The following CSPG5 variants were observed in gnomAD, a reference collection of about 807,000 sequenced individuals.
CSPG5 encodes the protein acidic leucine-rich EGF-like domain-containing brain protein.
A neutral mutation model predicts 39.8 loss-of-function variants in CSPG5; 25 were observed. The observed-to-expected ratio is 0.63, with a 90% CI of 0.46 to 0.88. The LOEUF is 0.88. Among genes scored for constraint, CSPG5 ranks in the 40% least tolerant of loss-of-function variants. CSPG5 has a pLI of 0.00. For synonymous variants in CSPG5, 295 were observed against 303.9 expected, an observed-to-expected ratio of 0.97 and a Z score of 0.31; for missense variants, 627 against 702.2, an observed-to-expected ratio of 0.89 and a Z score of 1.21.
chr3:47,570,710 C>T (rs76165907), intron 3 of CSPG5, among the ~76,000 whole-genome samples: 2 of 151,764 alleles, frequency 1.3e-5, no homozygotes, highest in African/African-American at 4.8e-5. Flanking sequence ...GTTTCACCAT[C>T]TTGGCCAGGC....
At chr3:47,569,340 G>A (rs1380138659) in intron 3 of CSPG5, 113 bp from the exon 4 acceptor site, 9 of 1,086,684 alleles carry the variant, frequency 8.3e-6, no homozygotes, top group Admixed American at 8.2e-5. Context: ...GTGGTGGCTC[G>A]CGCCTGTAAT....
chr3:47,577,001 C>A lies in CSPG5; in HGVS notation c.1025G>T (p.Arg342Leu), dbSNP rs777267541. 3.7e-6 allele frequency: 6 copies of A among 1,613,182 alleles called. No homozygotes were observed. The highest frequency in any genetic ancestry group is 3.4e-6 in the Non-Finnish European group (4 of 1,179,552). ...CAAGTCCCTGCCTGGCTCTCCTGGG[C>A]GGGGCCTGAGGGCGATGCTGCTGCC... ...VPGSSIALRP[R>L]PGEPGRDLAS... The change falls in exon 2 of 5, where the codon CGC becomes CTC. Residue 342 changes from arginine to leucine, a missense_variant. Arg to Leu is a moderately radical substitution (Grantham distance 102). Coordinates refer to ENST00000264723, the MANE Select transcript of CSPG5 (RefSeq NM_006574.4). This position sits in a 1 kb window ranked among gnomAD's most constrained non-coding sequence, Gnocchi z 4.7.
intron 2 of CSPG5, among the ~76,000 whole-genome samples, 186 bp from the exon 3 acceptor site, chr3:47,573,060 C>T (rs1457526951): frequency 6.6e-6 from 1 of 152,180 alleles, no homozygotes; most frequent in Non-Finnish European, 1.5e-5. Flanking sequence ...TACAACCATT[C>T]TATGAAGTGG....
chr3:47,562,536 G>A lies in CSPG5; in HGVS notation c.*64C>T, dbSNP rs1576366347. On this transcript the variant is annotated 3_prime_UTR_variant, in exon 5 of 5. Coordinates refer to ENST00000264723, the MANE Select transcript of CSPG5 (RefSeq NM_006574.4). ...TACAAGAAATAGACTCTGTACAAGA[G>A]GAGATAATGTTTCTTCCCCTACCCC... is the stretch of plus-strand genomic sequence containing the variant. The A allele has an allele frequency of 7.0e-7, 1 of 1,438,434 alleles. No individual in the cohort carries two copies. The highest frequency in any genetic ancestry group is 2.3e-5 in the East Asian group (1 of 43,840). 89.1% of individuals were successfully genotyped at this position (1,438,434 alleles called of 1,614,324 possible).
chr3:47,575,060 C>T (rs932073704), intron 2 of CSPG5, among the ~76,000 whole-genome samples: 2 of 152,128 alleles, frequency 1.3e-5, no homozygotes, highest in Admixed American at 6.6e-5. Flanking sequence ...ACATCAAGAC[C>T]TAAGGAACTT....
Position 47,578,499 on chromosome 3 carries a change from G to T in CSPG5, c.97+98C>A. The T allele has an allele frequency of 3.1e-6, 1 of 327,498 alleles. No homozygotes were observed. The highest frequency in any genetic ancestry group is 5.0e-6 in the Non-Finnish European group (1 of 200,940). The allele number at this position is 327,498 out of a possible 1,614,324, so 20.3% of individuals were successfully genotyped here. On this transcript the variant is annotated intron_variant, in intron 1 of 4. Transcript: ENST00000264723. This position sits in a 1 kb window ranked among gnomAD's most constrained non-coding sequence, Gnocchi z 6.0. Reference sequence around the variant, plus strand: ...CGGCCAGGCGGTGCCCCGCCCCCTTGCCACAGCTCACAGCTCCACCTGTCC... The same window carrying T: ...CGGCCAGGCGGTGCCCCGCCCCCTTTCCACAGCTCACAGCTCCACCTGTCC...
chr3:47,574,422 T>C (rs1456214389), intron 2 of CSPG5, among the ~76,000 whole-genome samples: 1 of 152,212 alleles, frequency 6.6e-6, no homozygotes, highest in East Asian at 1.9e-4. Flanking sequence ...AAATCATCAC[T>C]ATAGTCCCCC....
At chr3:47,570,335 C>T (rs1458147996) in intron 3 of CSPG5, among the ~76,000 whole-genome samples, 2 of 150,650 alleles carry the variant, frequency 1.3e-5, no homozygotes, top group African/African-American at 4.9e-5. Flanking sequence ...AACCCTTGGG[C>T]TCAGGTGGTA....
chr3:47,566,265 TG>T (rs1455891717), intron 4 of CSPG5, among the ~76,000 whole-genome samples: 1 of 126,028 alleles, frequency 7.9e-6, no homozygotes, highest in Non-Finnish European at 1.7e-5. Flanking sequence ...GCAAGGAGTT[TG>T]GGGGTGGGGA....
At position 47,562,658 on chromosome 3, in the gene CSPG5, C is replaced by A; in HGVS notation, c.1562G>T (p.Gly521Val). Residue 521 changes from glycine to valine, a missense_variant, in exon 5 of 5, where the codon GGT becomes GTT. Transcript: ENST00000264723. ...IQNSMSPKLE[G>V]GKGDQADLDV... ...CAAGTCAGCCTGGTCACCTTTGCCA[C>A]CCTCAAGTTTGGGCGACATGGAGTT... The A allele has an allele frequency of 6.2e-7, 1 of 1,614,028 alleles. No homozygotes were observed. The highest frequency in any genetic ancestry group is 8.5e-7 in the Non-Finnish European group (1 of 1,180,022).
chr3:47,562,742 T>G lies in CSPG5; in HGVS notation c.1478A>C (p.His493Pro). 1 of 1,611,562 alleles carries G rather than the reference T, an allele frequency of 6.2e-7. No homozygotes were observed. The highest frequency in any genetic ancestry group is 1.1e-5 in the South Asian group (1 of 90,908). ...SHPNDDPSAPHKIQEVLKSCL... is the reference protein window; with the variant it reads ...SHPNDDPSAPPKIQEVLKSCL... ...GGACTTGAGAACCTCCTGGATTTTG[T>G]GGGGAGCACTAGGATCATCCTGGAA... The change falls in exon 5 of 5, where the codon CAC becomes CCC. Residue 493 changes from histidine (H) to proline (P), a missense_variant. By Grantham distance (77) the His-to-Pro change is moderately conservative (BLOSUM62 -2). Transcript: ENST00000264723.
chr3:47,562,780 TGGGG>T lies in CSPG5; in HGVS notation c.1459-23_1459-20del. The T allele has an allele frequency of 1.7e-6, 2 of 1,156,314 alleles. No homozygotes were observed. Among genetic ancestry groups the T allele is most frequent in the Non-Finnish European group, 2.4e-6 (2 of 826,562 alleles). The allele number at this position is 1,156,314 out of a possible 1,614,324, so 71.6% of individuals were successfully genotyped here. Reference sequence around the variant, plus strand: ...GATCATCCTGGAAGAGGGAAAAAGTTGGGGGGGGGGAGACAATGCATACAGCAAC... The same window carrying T: ...GATCATCCTGGAAGAGGGAAAAAGTTGGGGGGAGACAATGCATACAGCAAC... On this transcript the variant is annotated intron_variant, in intron 4 of 4. Coordinates refer to ENST00000264723, the MANE Select transcript of CSPG5 (RefSeq NM_006574.4).
At chr3:47,568,885 C>T (rs902829147) in intron 4 of CSPG5, among the ~76,000 whole-genome samples, 1 of 152,044 alleles carries the variant, frequency 6.6e-6, no homozygotes. Context: ...CCTTTTGTAT[C>T]GAAAATTCTG....
In CSPG5 at chr3:47,577,143, C is replaced by G. The variant is rs1160005773; in HGVS notation, c.883G>C (p.Glu295Gln). 1.9e-6 allele frequency: 3 copies of G among 1,613,684 alleles called. No individual in the cohort carries two copies. Among genetic ancestry groups the G allele is most frequent in the Non-Finnish European group, 2.5e-6 (3 of 1,179,920 alleles). The stretch of plus-strand genomic sequence containing the variant: ...GGCACTAGAAGCTCATTTTCATCTT[C>G]TAGGTCTCCACCTCCTACTGCATCT... Reference protein sequence around the residue: ...DKDAVGGGDLEDENELLVPTG... With the variant: ...DKDAVGGGDLQDENELLVPTG... Residue 295 changes from glutamate (E) to glutamine (Q), a missense_variant, in exon 2 of 5, where the codon GAA becomes CAA. Coordinates refer to ENST00000264723, the MANE Select transcript of CSPG5 (RefSeq NM_006574.4). The surrounding 1 kb of genome is among the most constrained non-coding windows in gnomAD (Gnocchi z 4.7).
At chr3:47,579,767 G>C (rs926264695), upstream of CSPG5, 4 of 152,212 alleles carry the variant, frequency 2.6e-5, no homozygotes, top group African/African-American at 9.7e-5. The surrounding 1 kb of genome is among the most constrained non-coding windows in gnomAD (Gnocchi z 4.2). Flanking sequence ...CACAGCTTCA[G>C]GGCTCACAGG....
chr3:47,578,132 A>C lies in CSPG5; in HGVS notation c.98-204T>G, dbSNP rs1576375507. On this transcript the variant is annotated intron_variant, in intron 1 of 4. Coordinates refer to ENST00000264723, the MANE Select transcript of CSPG5 (RefSeq NM_006574.4). The surrounding 1 kb of genome is among the most constrained non-coding windows in gnomAD (Gnocchi z 6.0). ...AGTCTGCCCCCAAGACGAGGATCAC[A>C]CCCCGCCCAACGCCTCGCGGCTCGG... 2 of 759,646 alleles carry C rather than the reference A, an allele frequency of 2.6e-6. No individual in the cohort carries two copies. The highest frequency in any genetic ancestry group is 5.6e-5 in the South Asian group (1 of 17,702). The allele number at this position is 759,646 out of a possible 1,614,324, so 47.1% of individuals were successfully genotyped here. A position where few individuals can be genotyped will look rare whatever the true frequency, so the allele number is the denominator to read the frequency against.
chr3:47,580,123 T>C (rs1452990312), upstream of CSPG5: 1 of 152,232 alleles, frequency 6.6e-6, no homozygotes, highest in Non-Finnish European at 1.5e-5. Flanking sequence ...TCCTGCCTGG[T>C]AAACTCCTCA....
In CSPG5 at chr3:47,572,934, G is replaced by A. The variant is rs530643350; in HGVS notation, c.1194-60C>T. The A allele has an allele frequency of 1.0e-5, 15 of 1,487,528 alleles. No homozygotes were observed. The African/African-American group carries it at 1.9e-4, about 19-fold the overall frequency. The allele number at this position is 1,487,528 out of a possible 1,614,324, so 92.1% of individuals were successfully genotyped here. On this transcript the variant is annotated intron_variant, in intron 2 of 4. Coordinates refer to ENST00000264723, the MANE Select transcript of CSPG5 (RefSeq NM_006574.4). This position sits in a 1 kb window ranked among gnomAD's most constrained non-coding sequence, Gnocchi z 4.5. ...AGCAGGCAGCCACGGCCACAGTAAG[G>A]GCCTGGGCCCTGACCCCAACACCTA...
At chr3:47,575,088 G>A (rs2031663329) in intron 2 of CSPG5, among the ~76,000 whole-genome samples, 1 of 151,978 alleles carries the variant, frequency 6.6e-6, no homozygotes, top group Non-Finnish European at 1.5e-5. Context: ...TCATATACTT[G>A]CAGAACGAAC....
Sources: gnomAD v4.1 joint callset for allele counts (sites outside exome capture counted in the v4.1 genomes callset) on GRCh38, gnomAD v4.1.1 for gene constraint, Gnocchi (gnomAD v3.1) non-coding constraint, MANE v1.5 for transcripts, NCBI Gene and HGNC (gene_info 2026-07-23, HGNC 2026-07-21) for gene names.